OGDH: variants seen among roughly 807,000 people sequenced by gnomAD.
OGDH encodes oxoglutarate dehydrogenase, also known as 2-oxoglutarate dehydrogenase complex component E1.
Under a neutral mutation model 116.6 loss-of-function variants are expected in OGDH, and 38 were observed. The ratio of observed to expected loss-of-function variants is 0.33; its 90% confidence interval spans 0.25 to 0.43. The LOEUF (loss-of-function observed/expected upper bound fraction) is 0.43, where lower values mean the gene tolerates loss of function less well. OGDH is among the 20% of genes least tolerant of loss of function. The pLI is 1.00. For missense variants in OGDH, 825 were observed against 1,357.2 expected (o/e 0.61, Z 6.16); for synonymous variants, 488 against 533.3 (o/e 0.92, Z 1.17).
chr7:44,670,806 C>T (rs376676400), intron 5 of OGDH, among the ~76,000 whole-genome samples: 14 of 151,740 alleles, frequency 9.2e-5, no homozygotes, highest in South Asian at 2.1e-4. Flanking sequence ...GTCAGGAGAT[C>T]GAGACCATCC....
intron 4 of OGDH, among the ~76,000 whole-genome samples, chr7:44,665,615 T>C (rs933775442): frequency 1.3e-5 from 2 of 152,208 alleles, no homozygotes; most frequent in Non-Finnish European, 2.9e-5. Flanking sequence ...TGGACACTTA[T>C]GGCTCCTTTT....
intron 7 of OGDH, 160 bp downstream of exon 7, chr7:44,674,717 T>A: frequency 1.3e-6 from 1 of 749,010 alleles, no homozygotes; most frequent in Non-Finnish European, 2.2e-6. Flanking sequence ...TTGCAGGGGA[T>A]TCTCACATTG....
chr7:44,624,312 T>TTTTTAA lies in OGDH; in HGVS notation c.-27-5_-27-4insTTTTAA. 1 of 1,255,816 alleles carries TTTTTAA rather than the reference T, an allele frequency of 8.0e-7. No homozygotes were observed. Among genetic ancestry groups the TTTTTAA allele is most frequent in the Non-Finnish European group, 1.1e-6 (1 of 905,954 alleles). 77.8% of individuals were successfully genotyped at this position (1,255,816 alleles called of 1,614,324 possible). A position where few individuals can be genotyped will look rare whatever the true frequency, so the allele number is the denominator to read the frequency against. On this transcript the variant is annotated splice_region_variant and splice_polypyrimidine_tract_variant and intron_variant, in intron 1 of 22. Transcript: ENST00000222673. ...TCTTGTTTTTTTTTTTTTTTTTTTG[T>TTTTTAA]ACAGGCAGTTGTGAAAAACTTCAGG...
rs116191385 is a variant in OGDH, at chr7:44,645,461, C to T, written c.357C>T (p.Asn119=). Reference sequence around the variant, plus strand: ...AGTCCCTGGTAGAAGCACAGCCCAACGTGGACAAGCTCGTGGAGGACCACC... The same window carrying T: ...AGTCCCTGGTAGAAGCACAGCCCAATGTGGACAAGCTCGTGGAGGACCACC... The part of the protein sequence containing the change: ...HAQSLVEAQP[N]VDKLVEDHLA... Residue 119 remains asparagine, a synonymous_variant, in exon 3 of 23, where the codon AAC becomes AAT. Transcript: ENST00000222673. 2.2e-4 allele frequency: 357 copies of T among 1,614,170 alleles called. 1 individual carries two copies. The African/African-American group carries it at 3.8e-3, about 17-fold the overall frequency.
rs118053007 is a variant in OGDH at position 44,634,778 on chromosome 7, A to G, written c.222+10213A>G. Among the ~76,000 whole-genome samples the G allele has an allele frequency of 1.8e-4, 28 of 152,280 alleles. No homozygotes were observed. In the East Asian group the frequency reaches 1.9e-3, roughly 10 times the overall value. On this transcript the variant is annotated intron_variant, in intron 2 of 22. Coordinates refer to ENST00000222673, the MANE Select transcript of OGDH (RefSeq NM_002541.4). ...TGGTAAGTGGTACTCTGGCCTGGGC[A>G]AGGTCTGAGCAAGGCCTGCATTGAT...
At chr7:44,688,642 G>A (rs929971975) in intron 10 of OGDH, among the ~76,000 whole-genome samples, 1 of 151,732 alleles carries the variant, frequency 6.6e-6, no homozygotes, top group Admixed American at 6.6e-5. Context: ...CTGTTAACCA[G>A]GATGGTCTCG....
chr7:44,607,404 T>G (rs1562601705), intron 1 of OGDH, among the ~76,000 whole-genome samples: 2 of 152,170 alleles, frequency 1.3e-5, no homozygotes, highest in Non-Finnish European at 2.9e-5. Context: ...CCTGGGTGCG[T>G]CCCACCTGCC....
intron 1 of OGDH, among the ~76,000 whole-genome samples, chr7:44,609,958 A>G (rs1190310581): frequency 6.6e-6 from 1 of 152,044 alleles, no homozygotes; most frequent in Non-Finnish European, 1.5e-5. Context: ...ACATCTTTTC[A>G]TGTGCTTATT....
At chr7:44,688,917 T>A (rs1234837072) in intron 10 of OGDH, among the ~76,000 whole-genome samples, 6 of 151,826 alleles carry the variant, frequency 4.0e-5, no homozygotes, top group African/African-American at 1.5e-4. Context: ...GCCCGGCTAA[T>A]TTTTGTATTT....
intron 4 of OGDH, among the ~76,000 whole-genome samples, chr7:44,648,351 G>A (rs1273951896): frequency 1.3e-5 from 2 of 152,142 alleles, no homozygotes; most frequent in South Asian, 4.1e-4. Context: ...AGCACACTGG[G>A]GTTTTGTCAC....
In OGDH at chr7:44,625,879, G is replaced by A. The variant is rs367824664; in HGVS notation, c.222+1314G>A. Among the ~76,000 whole-genome samples the A allele has an allele frequency of 3.9e-5, 6 of 152,176 alleles. No individual in the cohort carries two copies. The South Asian group carries it at 1.2e-3, about 32-fold the overall frequency. On this transcript the variant is annotated intron_variant, in intron 2 of 22. Transcript: ENST00000222673. ...TTCTAGCTACTCCACAGGCTGAGGT[G>A]GGAGGATTGCTGAAGCCCAGGAATT...
At chr7:44,670,907 A>G (rs1787411731) in intron 5 of OGDH, among the ~76,000 whole-genome samples, 1 of 149,266 alleles carries the variant, frequency 6.7e-6, no homozygotes, top group East Asian at 2.1e-4. Context: ...ACTACTCGGG[A>G]GGCTGAGCCA....
At chr7:44,677,923 G>A (rs1315853281) in intron 9 of OGDH, among the ~76,000 whole-genome samples, 1 of 151,780 alleles carries the variant, frequency 6.6e-6, no homozygotes, top group Non-Finnish European at 1.5e-5. Flanking sequence ...ACTTTACCAG[G>A]CTCTATAATT....
chr7:44,706,431 C>T (rs1342050425), intron 20 of OGDH, among the ~76,000 whole-genome samples: 33 of 151,304 alleles, frequency 2.2e-4, no homozygotes, highest in Non-Finnish European at 4.3e-4. Flanking sequence ...AAGCAATTCT[C>T]CTGCCTCGGC....
intron 4 of OGDH, 149 bp downstream of exon 4, chr7:44,647,908 G>T (rs1387636466): frequency 3.4e-6 from 2 of 596,260 alleles, no homozygotes; most frequent in African/African-American, 3.7e-5. Flanking sequence ...TGTAGCCTTA[G>T]TGTGTTTTGG....
At chr7:44,674,306 A>G in intron 6 of OGDH, 105 bp from the exon 7 acceptor site, 2 of 1,424,744 alleles carry the variant, frequency 1.4e-6, no homozygotes, top group Non-Finnish European at 2.0e-6. Context: ...CGGCCTCCCA[A>G]GGTGCTGGGA....
At chr7:44,703,920 A>G (rs1440874532) in intron 20 of OGDH, among the ~76,000 whole-genome samples, 1 of 152,110 alleles carries the variant, frequency 6.6e-6, no homozygotes, top group African/African-American at 2.4e-5. Flanking sequence ...ACTCCATTAT[A>G]TGTGTATGCC....
rs1788472672 is a variant in OGDH, at chr7:44,693,945, G to A, written c.1456G>A (p.Val486Met). 6.2e-6 allele frequency: 10 copies of A among 1,614,098 alleles called. No homozygotes were observed. Among genetic ancestry groups the A allele is most frequent in the South Asian group, 2.2e-5 (2 of 91,070 alleles). ...AGATGACCCCGAGGCTGTCATGTAC[G>A]TGTGCAAAGTGGCGGCCGAGTGGAG... Reference protein sequence around the residue: ...NSDDPEAVMYVCKVAAEWRST... With the variant: ...NSDDPEAVMYMCKVAAEWRST... The change falls in exon 11 of 23, where the codon GTG becomes ATG. Residue 486 changes from valine to methionine, a missense_variant. By Grantham distance (21) the Val-to-Met change is conservative. This residue lies in a region of OGDH where 146 missense variants were observed against 317.3 expected (regional missense o/e 0.46). Coordinates refer to ENST00000222673, the MANE Select transcript of OGDH (RefSeq NM_002541.4).
intron 1 of OGDH, among the ~76,000 whole-genome samples, chr7:44,622,632 A>C (rs1785047239): frequency 1.3e-5 from 2 of 152,218 alleles, no homozygotes; most frequent in African/African-American, 2.4e-5. Flanking sequence ...ATAATATAGA[A>C]GATATTTTTA....
Sources: allele counts gnomAD v4.1 joint callset (sites outside exome capture counted in the v4.1 genomes callset), GRCh38; gene constraint gnomAD v4.1.1; regional missense constraint gnomAD v4.1.1; transcripts MANE v1.5; gene names NCBI Gene and HGNC (gene_info 2026-07-23, HGNC 2026-07-21).